The following EEA1 variants were observed in gnomAD, a reference collection of about 807,000 sequenced individuals.
EEA1 encodes the protein early endosome antigen 1.
In EEA1, 111 loss-of-function variants were observed where a neutral mutation model predicts 209.2. The observed-to-expected ratio is 0.53, with a 90% CI of 0.45 to 0.62. The LOEUF (loss-of-function observed/expected upper bound fraction) is 0.62, where lower values mean the gene tolerates loss of function less well. Among genes scored for constraint, EEA1 ranks in the 20% least tolerant of loss-of-function variants. The pLI is 0.00. For synonymous variants in EEA1, 536 were observed against 540.6 expected (o/e 0.99, Z 0.12); for missense variants, 1,343 against 1,530.8 (o/e 0.88, Z 2.05).
chr12:92,907,717 C>A (rs1026792035), intron 1 of EEA1, among the ~76,000 whole-genome samples: 1 of 152,350 alleles, frequency 6.6e-6, no homozygotes, highest in African/African-American at 2.4e-5. Flanking sequence ...CATCTCAACA[C>A]TTTACCATCC....
intron 13 of EEA1, among the ~76,000 whole-genome samples, chr12:92,822,577 G>A (rs952326641): frequency 2.0e-5 from 3 of 151,970 alleles, no homozygotes; most frequent in Non-Finnish European, 4.4e-5. Context: ...TCCATCTGCA[G>A]GTTATTCTTA....
At chr12:92,801,530 T>A in intron 20 of EEA1, 70 bp downstream of exon 20, 1 of 1,023,242 alleles carries the variant, frequency 9.8e-7, no homozygotes, top group Non-Finnish European at 1.4e-6. Context: ...ACATGCTTTA[T>A]ATATTTATTT....
Position 92,813,067 on chromosome 12 carries a change from T to C in EEA1, c.1956A>G (p.Leu652=), listed in dbSNP as rs1875596882. The change falls in exon 16 of 29, where the codon CTA becomes CTG. Residue 652 remains leucine, a synonymous_variant. Transcript: ENST00000322349. ...IQIKAKTELL[L]SAEAAKTAQR... ...GAGCAGTTTTTGCTGCTTCTGCTGA[T>C]AGTAATAGTTCGGTTTTGGCTTTAA... 6.3e-7 allele frequency: 1 copy of C among 1,592,508 alleles called. No individual in the cohort carries two copies. The highest frequency in any genetic ancestry group is 8.6e-7 in the Non-Finnish European group (1 of 1,165,160).
chr12:92,829,895 T>C (rs1054448801), intron 11 of EEA1, among the ~76,000 whole-genome samples: 1 of 151,474 alleles, frequency 6.6e-6, no homozygotes, highest in Admixed American at 6.6e-5. Flanking sequence ...AAGACATAAA[T>C]TATGATAATA....
chr12:92,826,908 ATAATT>A (rs1270666022), intron 12 of EEA1, among the ~76,000 whole-genome samples: 2 of 152,192 alleles, frequency 1.3e-5, no homozygotes, highest in African/African-American at 4.8e-5. Context: ...ATTTTTAACA[ATAATT>A]TAAACCACAT....
chr12:92,804,295 A>G (rs879725405), intron 18 of EEA1, among the ~76,000 whole-genome samples: 21 of 152,282 alleles, frequency 1.4e-4, no homozygotes, highest in African/African-American at 2.4e-4. Flanking sequence ...AATTAGGGCC[A>G]GGCACGGTGG....
At chr12:92,811,198 T>A (rs906493655) in intron 17 of EEA1, 81 bp downstream of exon 17, 3 of 995,046 alleles carry the variant, frequency 3.0e-6, no homozygotes, top group Non-Finnish European at 4.0e-6. Flanking sequence ...TAACTAAAAA[T>A]CTTTGATTCC....
chr12:92,867,219 C>T (rs886385036), intron 2 of EEA1, among the ~76,000 whole-genome samples: 9 of 152,160 alleles, frequency 5.9e-5, no homozygotes, highest in Non-Finnish European at 7.3e-5. Context: ...AAAATACCTG[C>T]GTTTCCCTGA....
intron 1 of EEA1, among the ~76,000 whole-genome samples, chr12:92,905,915 TA>T (rs58882157): frequency 1.2e-4 from 18 of 151,936 alleles, no homozygotes; most frequent in Non-Finnish European, 1.2e-4. Context: ...TATATATATA[TA>T]TTTTTAATAG....
At chr12:92,889,379 C>A (rs1273866654) in intron 2 of EEA1, among the ~76,000 whole-genome samples, 1 of 151,432 alleles carries the variant, frequency 6.6e-6, no homozygotes, top group Non-Finnish European at 1.5e-5. Context: ...GAAGTTAAAT[C>A]CAAACTAAGG....
intron 3 of EEA1, among the ~76,000 whole-genome samples, chr12:92,860,251 A>G (rs1878078556): frequency 6.6e-6 from 1 of 152,242 alleles, no homozygotes; most frequent in Non-Finnish European, 1.5e-5. Context: ...TGCACACTTT[A>G]GTACCAGATA....
chr12:92,870,812 A>T (rs1878609149), intron 2 of EEA1, among the ~76,000 whole-genome samples: 1 of 151,954 alleles, frequency 6.6e-6, no homozygotes, highest in Non-Finnish European at 1.5e-5. Flanking sequence ...CTGTAGCTAG[A>T]ATTACAGGCA....
intron 2 of EEA1, among the ~76,000 whole-genome samples, chr12:92,869,999 C>T (rs1878568308): frequency 6.6e-6 from 1 of 152,092 alleles, no homozygotes; most frequent in Non-Finnish European, 1.5e-5. Flanking sequence ...CCATTTTCTC[C>T]ACCACAGTTA....
At chr12:92,912,092 C>A (rs1423890619) in intron 1 of EEA1, among the ~76,000 whole-genome samples, 1 of 152,156 alleles carries the variant, frequency 6.6e-6, no homozygotes, top group Non-Finnish European at 1.5e-5. Context: ...TTTGCAAATA[C>A]TGCTGAAATC....
At chr12:92,871,537 G>A (rs1158771639) in intron 2 of EEA1, among the ~76,000 whole-genome samples, 1 of 152,122 alleles carries the variant, frequency 6.6e-6, no homozygotes, top group Non-Finnish European at 1.5e-5. Context: ...ATGAAACCCT[G>A]TGAAATAACA....
At chr12:92,878,959 A>G (rs906436966) in intron 2 of EEA1, among the ~76,000 whole-genome samples, 2 of 152,200 alleles carry the variant, frequency 1.3e-5, no homozygotes, top group African/African-American at 4.8e-5. Context: ...GAAAGCTCCA[A>G]GCCCAGATGG....
At chr12:92,894,777 G>C (rs1565854199) in intron 1 of EEA1, among the ~76,000 whole-genome samples, 1 of 152,146 alleles carries the variant, frequency 6.6e-6, no homozygotes, top group East Asian at 1.9e-4. Context: ...AGAAGCTGCA[G>C]CAAGTTATCC....
At chr12:92,851,772 T>A (rs1427960134) in intron 8 of EEA1, among the ~76,000 whole-genome samples, 1 of 152,064 alleles carries the variant, frequency 6.6e-6, no homozygotes, top group Admixed American at 6.6e-5. Context: ...ATAACAGAAA[T>A]ACAGTAATGA....
chr12:92,818,040 T>A (rs747005534), intron 14 of EEA1, among the ~76,000 whole-genome samples: 2 of 152,194 alleles, frequency 1.3e-5, no homozygotes, highest in Non-Finnish European at 2.9e-5. Context: ...ATTGGCCTCA[T>A]AGAATCCCAC....
Sources: allele counts gnomAD v4.1 joint callset (sites outside exome capture counted in the v4.1 genomes callset), GRCh38; gene constraint gnomAD v4.1.1; transcripts MANE v1.5; gene names NCBI Gene and HGNC (gene_info 2026-07-23, HGNC 2026-07-21).